CHD5: variants seen among roughly 807,000 people sequenced by gnomAD.
The protein encoded by CHD5 is chromodomain helicase DNA binding protein 5.
CHD5 carries 69 observed loss-of-function variants against 230.3 expected under a neutral mutation model. The ratio of observed to expected loss-of-function variants is 0.30; its 90% CI spans 0.25 to 0.37. The LOEUF is 0.37. CHD5 is among the 10% of genes least tolerant of loss of function. CHD5 has a pLI of 1.00. For synonymous variants in CHD5, 1,064 were observed against 1,065.9 expected (o/e 1.00, Z 0.03); for missense variants, 1,827 against 2,622.8 (o/e 0.70, Z 6.63).
In CHD5 at chr1:6,154,271, G is replaced by A. The variant is rs1667047421; in HGVS notation, c.745+389C>T. 6.6e-6 allele frequency among the ~76,000 whole-genome samples: 1 copy of A among 152,114 alleles called. No homozygotes were observed. The highest frequency in any genetic ancestry group is 6.5e-5 in the Admixed American group (1 of 15,270). On this transcript the variant is annotated intron_variant, in intron 5 of 41. Transcript: ENST00000262450. This position sits in a 1 kb window ranked among gnomAD's most constrained non-coding sequence, Gnocchi z 7.0. Reference sequence around the variant, plus strand: ...GGGCCTCCTCCTCCTCCCCAGAAACGGCACAGGCTCAAACCCAAGAGCCTG... The same window carrying A: ...GGGCCTCCTCCTCCTCCCCAGAAACAGCACAGGCTCAAACCCAAGAGCCTG...
rs1435039786 is a variant in CHD5 at position 6,125,395 on chromosome 1, A to G, written c.4260+129T>C. 3.2e-6 allele frequency: 4 copies of G among 1,266,492 alleles called. No individual in the cohort carries two copies. In the East Asian group the frequency reaches 1.0e-4, roughly 32 times the overall value. 78.5% of individuals were successfully genotyped at this position (1,266,492 alleles called of 1,614,324 possible). A position where few individuals can be genotyped will look rare whatever the true frequency, so the allele number is the denominator to read the frequency against. ...GGGCAGGACCCTGACGGCGAAGACC[A>G]GACCAAGTTCTGTCCAAGCTCCGCC... On this transcript the variant is annotated intron_variant, in intron 28 of 41. Coordinates refer to ENST00000262450, the MANE Select transcript of CHD5 (RefSeq NM_015557.3). The surrounding 1 kb of genome is among the most constrained non-coding windows in gnomAD (Gnocchi z 6.7).
At chr1:6,111,982 AC>A in intron 35 of CHD5, 99 bp from the exon 36 acceptor site, 2 of 1,378,100 alleles carry the variant, frequency 1.5e-6, no homozygotes, top group Non-Finnish European at 2.0e-6. Context: ...CACTGCCTCC[AC>A]CCCCAGAGGT....
intron 36 of CHD5, among the ~76,000 whole-genome samples, chr1:6,111,362 C>T (rs189804328): frequency 1.4e-3 from 211 of 151,672 alleles, no homozygotes; most frequent in African/African-American, 4.2e-3. Flanking sequence ...GGTGAAACCC[C>T]GTCTCTACTA....
rs1437792362 is a variant in CHD5 at position 6,129,584 on chromosome 1, A to G, written c.3388-515T>C. Among the ~76,000 whole-genome samples, 1 of 152,146 alleles carries G rather than the reference A, an allele frequency of 6.6e-6. No homozygotes were observed. Among genetic ancestry groups the G allele is most frequent in the African/African-American group, 2.4e-5 (1 of 41,430 alleles). On this transcript the variant is annotated intron_variant, in intron 22 of 41. Transcript: ENST00000262450. This position sits in a 1 kb window ranked among gnomAD's most constrained non-coding sequence, Gnocchi z 6.8. ...TGAGGTGACCTGGGTGTGGCCGTGT[A>G]TATCTGTGTATGTGCATGGGCGCAC...
chr1:6,102,033 C>T lies in CHD5; in HGVS notation c.*3441G>A, dbSNP rs1185276511. ...GGGCCCTCCCTTTGCCAGCCTGGGG[C>T]TGTGCCTGGGGAAAGGGGTCGGCCC... On this transcript the variant is annotated 3_prime_UTR_variant, in exon 42 of 42. Coordinates refer to ENST00000262450, the MANE Select transcript of CHD5 (RefSeq NM_015557.3). 3 of 392,802 alleles carry T rather than the reference C, an allele frequency of 7.6e-6. No individual in the cohort carries two copies. The highest frequency in any genetic ancestry group is 3.6e-5 in the South Asian group (2 of 56,338). The allele number at this position is 392,802 out of a possible 1,614,324, so 24.3% of individuals were successfully genotyped here.
chr1:6,119,387 C>T (rs893966703), intron 33 of CHD5, among the ~76,000 whole-genome samples: 2 of 152,036 alleles, frequency 1.3e-5, no homozygotes, highest in Admixed American at 6.6e-5. Flanking sequence ...CATGAGCCAC[C>T]GCACCTGGCC....
chr1:6,164,048 C>G (rs1040189930), intron 2 of CHD5, among the ~76,000 whole-genome samples: 2 of 152,236 alleles, frequency 1.3e-5, no homozygotes, highest in African/African-American at 4.8e-5. Context: ...TCTGAGCCCC[C>G]ACCCTGCTGA....
chr1:6,108,139 ATGGAGGAATGATGGAGGGG>A (rs1666225900), intron 38 of CHD5, among the ~76,000 whole-genome samples: 1 of 119,100 alleles, frequency 8.4e-6, no homozygotes, highest in African/African-American at 3.3e-5. Context: ...TGATGGAGGG[ATGGAGGAATGATGGAGGGG>A]TGGAAAGATG....
intron 29 of CHD5, 113 bp from the exon 30 acceptor site, chr1:6,124,774 C>A: frequency 2.7e-6 from 2 of 752,654 alleles, no homozygotes; most frequent in South Asian, 3.5e-5. Context: ...CCATCGCCCA[C>A]CTCCTAGTCA....
chr1:6,123,115 A>G (rs1421367587), intron 31 of CHD5, among the ~76,000 whole-genome samples: 2 of 152,162 alleles, frequency 1.3e-5, no homozygotes, highest in Admixed American at 6.5e-5. Flanking sequence ...ATTATCAGCC[A>G]TAAGGCAGAA....
chr1:6,171,937 T>A (rs1667344776), intron 1 of CHD5, among the ~76,000 whole-genome samples: 1 of 152,238 alleles, frequency 6.6e-6, no homozygotes, highest in Non-Finnish European at 1.5e-5. Flanking sequence ...GGCCTGAGGC[T>A]CCACGGATCC....
chr1:6,107,545 G>GGAGGATGAAGGGATGATGGAGA (rs2100827955), intron 38 of CHD5, among the ~76,000 whole-genome samples: 3 of 149,238 alleles, frequency 2.0e-5, no homozygotes, highest in Admixed American at 6.7e-5. Flanking sequence ...AGGGATGGAG[G>GGAGGATGAAGGGATGATGGAGA]GATAATGAAG....
rs1420472554 is a variant in CHD5, at chr1:6,101,862, T to C, written c.*3612A>G. ...ACACAGAGTACAAAGTAAAGGTGAT[T>C]GTGTTGGCTACAGCCTCTGTCCAGC... On this transcript the variant is annotated 3_prime_UTR_variant, in exon 42 of 42. Coordinates refer to ENST00000262450, the MANE Select transcript of CHD5 (RefSeq NM_015557.3). The C allele has an allele frequency of 7.0e-6, 2 of 286,314 alleles. No individual in the cohort carries two copies. The highest frequency in any genetic ancestry group is 1.7e-4 in the East Asian group (1 of 5,776). 17.7% of individuals were successfully genotyped at this position (286,314 alleles called of 1,614,324 possible).
chr1:6,136,698 C>T (rs1489266780), intron 16 of CHD5, 30 bp downstream of exon 16: 3 of 1,610,888 alleles, frequency 1.9e-6, no homozygotes, highest in Admixed American at 1.7e-5. Context: ...CCCCGGGAAG[C>T]TCTGGGGTCT....
intron 36 of CHD5, 140 bp from the exon 37 acceptor site, chr1:6,110,666 C>G (rs1165500393): frequency 3.6e-6 from 3 of 823,508 alleles, no homozygotes; most frequent in African/African-American, 3.4e-5. Context: ...TTAAGCCCAG[C>G]TGCACGAGGA....
chr1:6,106,324 T>C (rs370640647), intron 40 of CHD5, 37 bp from the exon 41 acceptor site: 4 of 1,612,580 alleles, frequency 2.5e-6, no homozygotes, highest in Admixed American at 3.3e-5. Flanking sequence ...TTGCCTGACG[T>C]TGGCAGCAGC....
chr1:6,155,296 G>A lies in CHD5; in HGVS notation c.506+303C>T, dbSNP rs946897177. Among the ~76,000 whole-genome samples, 9 of 152,132 alleles carry A rather than the reference G, an allele frequency of 5.9e-5. No individual in the cohort carries two copies. The highest frequency in any genetic ancestry group is 2.0e-4 in the Admixed American group (3 of 15,284). On this transcript the variant is annotated intron_variant, in intron 4 of 41. Transcript: ENST00000262450. The surrounding 1 kb of genome is among the most constrained non-coding windows in gnomAD (Gnocchi z 4.0). ...GGCTACAGTGGGCCTTGGGGTCTCC[G>A]TCCCACCTCTACCAGAGCTGAGAGG...
intron 33 of CHD5, among the ~76,000 whole-genome samples, chr1:6,115,427 ACG>A (rs1461573106): frequency 6.6e-6 from 1 of 152,210 alleles, no homozygotes; most frequent in Non-Finnish European, 1.5e-5. Context: ...GTTTTGCGGC[ACG>A]GGTGACCTTA....
In CHD5 at chr1:6,105,297, T is replaced by C. The variant is rs1666143723; in HGVS notation, c.*177A>G. On this transcript the variant is annotated 3_prime_UTR_variant, in exon 42 of 42. Coordinates refer to ENST00000262450, the MANE Select transcript of CHD5 (RefSeq NM_015557.3). This position sits in a 1 kb window ranked among gnomAD's most constrained non-coding sequence, Gnocchi z 4.8. ...TGGCACTTCTGGGCTCTGGCCCAGC[T>C]GAGCTGGGCCTCGTCCTCCATGTGA... 1 of 412,928 alleles carries C rather than the reference T, an allele frequency of 2.4e-6. No homozygotes were observed. The allele number at this position is 412,928 out of a possible 1,614,324, so 25.6% of individuals were successfully genotyped here.
Sources: gnomAD v4.1 joint callset for allele counts (sites outside exome capture counted in the v4.1 genomes callset) on GRCh38, gnomAD v4.1.1 for gene constraint, Gnocchi (gnomAD v3.1) non-coding constraint, MANE v1.5 for transcripts, NCBI Gene and HGNC (gene_info 2026-07-23, HGNC 2026-07-21) for gene names.